The following XPR1 variants were observed in gnomAD, a reference collection of about 807,000 sequenced individuals.
The protein encoded by XPR1 is solute carrier family 53 member 1.
XPR1 carries 28 observed loss-of-function variants against 87.5 expected under a neutral mutation model. That is an observed-to-expected ratio of 0.32 (90% confidence interval 0.24 to 0.44). XPR1 has a LOEUF of 0.44. Ranked by LOEUF, XPR1 falls within the 20% of genes least tolerant of loss-of-function variation. XPR1 has a pLI of 1.00. For synonymous variants in XPR1, 300 were observed against 306.1 expected, an observed-to-expected ratio of 0.98 and a Z score of 0.21; for missense variants, 559 against 862.3, an observed-to-expected ratio of 0.65 and a Z score of 4.41.
At position 180,668,318 on chromosome 1, in the gene XPR1, G is replaced by A. The variant is rs533101157; in HGVS notation, c.70-14042G>A. 8.6e-5 allele frequency among the ~76,000 whole-genome samples: 13 copies of A among 151,640 alleles called. No homozygotes were observed. The East Asian group carries it at 1.9e-3, about 23-fold the overall frequency. On this transcript the variant is annotated intron_variant, in intron 1 of 14. Transcript: ENST00000367590. Reference sequence around the variant, plus strand: ...TAATTTGTGGGCTTTTAGTAGAGACGGGGTTTCACCATGTTGGCCAGGCTG... The same window carrying A: ...TAATTTGTGGGCTTTTAGTAGAGACAGGGTTTCACCATGTTGGCCAGGCTG...
At chr1:180,857,236 C>T (rs1049980738) in intron 11 of XPR1, among the ~76,000 whole-genome samples, 7 of 152,278 alleles carry the variant, frequency 4.6e-5, no homozygotes, top group Non-Finnish European at 5.9e-5. Flanking sequence ...TCTGCCTGAA[C>T]GCTGTTTCTG....
At chr1:180,641,286 C>A (rs1467897168) in intron 1 of XPR1, among the ~76,000 whole-genome samples, 1 of 152,084 alleles carries the variant, frequency 6.6e-6, no homozygotes, top group Non-Finnish European at 1.5e-5. Flanking sequence ...CAATAAATTT[C>A]CTATTAAAAT....
Position 180,803,368 on chromosome 1 carries a change from T to C in XPR1, c.224-20T>C, listed in dbSNP as rs1405477500. ...CTTTTTTATCTTACTGATTTGACAG[T>C]TCCGTTCTATTTCTTATAGAGAAGC... On this transcript the variant is annotated intron_variant, in intron 3 of 14. Transcript: ENST00000367590. 8.1e-6 allele frequency: 13 copies of C among 1,607,114 alleles called. No homozygotes were observed. Among genetic ancestry groups the C allele is most frequent in the African/African-American group, 1.3e-5 (1 of 74,714 alleles).
At chr1:180,795,798 C>G (rs1002726484) in intron 3 of XPR1, among the ~76,000 whole-genome samples, 5 of 152,044 alleles carry the variant, frequency 3.3e-5, no homozygotes, top group Non-Finnish European at 5.9e-5. Context: ...CATTCATTCA[C>G]TCATTCACTT....
intron 1 of XPR1, among the ~76,000 whole-genome samples, chr1:180,634,671 G>C (rs190272944): frequency 2.2e-4 from 33 of 152,160 alleles, no homozygotes; most frequent in African/African-American, 7.0e-4. Context: ...TGAAATTTTT[G>C]TATTTTACCC....
rs140011048 is a variant in XPR1, at chr1:180,716,934, C to T, written c.121+34523C>T. ...ATTTTTCAATATTCAGTAATCTGCTCGTCTTCTAGAAGCTCATATTGATTC... is the reference window on the plus strand; with the variant it reads ...ATTTTTCAATATTCAGTAATCTGCTTGTCTTCTAGAAGCTCATATTGATTC... On this transcript the variant is annotated intron_variant, in intron 2 of 14. Transcript: ENST00000367590. 3.0e-4 allele frequency among the ~76,000 whole-genome samples: 46 copies of T among 152,332 alleles called. No homozygotes were observed. The East Asian group carries it at 5.0e-3, about 17-fold the overall frequency.
At chr1:180,684,227 C>A (rs1656684211) in intron 2 of XPR1, among the ~76,000 whole-genome samples, 1 of 152,192 alleles carries the variant, frequency 6.6e-6, no homozygotes, top group Non-Finnish European at 1.5e-5. Flanking sequence ...ATAGAGAATC[C>A]TTTCCCCATT....
Position 180,806,090 on chromosome 1 carries a change from TC to T in XPR1, c.478del (p.Leu160Ter). 6.2e-7 allele frequency: 1 copy of T among 1,613,488 alleles called. No individual in the cohort carries two copies. The highest frequency in any genetic ancestry group is 8.5e-7 in the Non-Finnish European group (1 of 1,179,650). On this transcript the variant is annotated frameshift_variant, in exon 5 of 15. Transcript: ENST00000367590. LOFTEE classifies it high-confidence loss of function. Reference protein sequence around the residue: ...QNLNFTGFRKILKKHDKILET... With the variant: ...QNLNFTGFRKXLKKHDKILET... ...CTGAATTTTACAGGGTTTCGAAAAA[TC>T]CTGAAAAAGCATGACAAGATCCTGG...
intron 2 of XPR1, among the ~76,000 whole-genome samples, chr1:180,739,730 T>C (rs185412758): frequency 6.6e-6 from 1 of 152,286 alleles, no homozygotes; most frequent in Admixed American, 6.5e-5. Context: ...TCATTGCCAG[T>C]GTATAAAATT....
chr1:180,853,022 T>C (rs937281580), intron 11 of XPR1, among the ~76,000 whole-genome samples: 1 of 152,050 alleles, frequency 6.6e-6, no homozygotes, highest in African/African-American at 2.4e-5. Flanking sequence ...CCTCCACCCG[T>C]TGGGTTCAAG....
intron 2 of XPR1, among the ~76,000 whole-genome samples, chr1:180,739,312 T>C (rs1375795829): frequency 6.6e-6 from 1 of 152,256 alleles, no homozygotes; most frequent in East Asian, 1.9e-4. Flanking sequence ...GGGTGATTTC[T>C]CTGACTTTAT....
chr1:180,749,639 T>TCACACACACACACACACACACA lies in XPR1; in HGVS notation c.122-38096_122-38075dup, dbSNP rs139363505. Among the ~76,000 whole-genome samples, 376 of 142,426 alleles carry TCACACACACACACACACACACA rather than the reference T, an allele frequency of 2.6e-3. 3 individuals carry two copies. The highest frequency in any genetic ancestry group is 8.3e-3 in the African/African-American group (319 of 38,252). The allele number at this position is 142,426 out of a possible 152,430, so 93.4% of individuals were successfully genotyped here. A position where few individuals can be genotyped will look rare whatever the true frequency, so the allele number is the denominator to read the frequency against. On this transcript the variant is annotated intron_variant, in intron 2 of 14. Coordinates refer to ENST00000367590, the MANE Select transcript of XPR1 (RefSeq NM_004736.4). Reference sequence around the variant, plus strand: ...AAAATTTATAATAAACACATATACATCACACACACACACACACACACACAC... The same window carrying TCACACACACACACACACACACA: ...AAAATTTATAATAAACACATATACATCACACACACACACACACACACACACACACACACACACACACACACAC...
intron 2 of XPR1, among the ~76,000 whole-genome samples, chr1:180,779,396 T>A (rs1648851386): frequency 6.6e-6 from 1 of 152,208 alleles, no homozygotes; most frequent in Non-Finnish European, 1.5e-5. Flanking sequence ...ATAGGTACAA[T>A]TATTATTTGT....
intron 2 of XPR1, among the ~76,000 whole-genome samples, chr1:180,785,024 T>TGTGTGTGTGTGTGTGTGC (rs1649086664): frequency 6.6e-6 from 1 of 150,626 alleles, no homozygotes; most frequent in Non-Finnish European, 1.5e-5. Flanking sequence ...TGTGTGTGTG[T>TGTGTGTGTGTGTGTGTGC]GTGTGTGTGT....
chr1:180,836,770 T>TATTTCTTACTCA (rs1246176661), intron 11 of XPR1, 54 bp downstream of exon 11: 23 of 1,580,464 alleles, frequency 1.5e-5, no homozygotes, highest in Non-Finnish European at 2.0e-5. Flanking sequence ...TTTTACTACC[T>TATTTCTTACTCA]GACTCTATTT....
At chr1:180,685,908 A>G (rs1445851568) in intron 2 of XPR1, among the ~76,000 whole-genome samples, 3 of 152,012 alleles carry the variant, frequency 2.0e-5, no homozygotes, top group African/African-American at 2.4e-5. Flanking sequence ...CTAGTGGTCT[A>G]TCAATTTTGT....
intron 1 of XPR1, among the ~76,000 whole-genome samples, chr1:180,657,553 T>C (rs948806776): frequency 1.3e-5 from 2 of 152,212 alleles, no homozygotes; most frequent in Admixed American, 1.3e-4. Context: ...GATTGTCCTT[T>C]CTCCAATGTA....
intron 12 of XPR1, among the ~76,000 whole-genome samples, chr1:180,866,793 GTTTA>G (rs1451480148): frequency 5.8e-5 from 8 of 137,298 alleles, no homozygotes; most frequent in Non-Finnish European, 1.1e-4. Flanking sequence ...ACACATATTA[GTTTA>G]TTTTTTTTTT....
rs926219828 is a variant in XPR1 at position 180,888,098 on chromosome 1, C to T, written c.*4032C>T. The T allele has an allele frequency of 6.6e-6, 1 of 152,172 alleles. No individual in the cohort carries two copies. The highest frequency in any genetic ancestry group is 1.5e-5 in the Non-Finnish European group (1 of 68,038). 9.4% of individuals were successfully genotyped at this position (152,172 alleles called of 1,614,324 possible). On this transcript the variant is annotated 3_prime_UTR_variant, in exon 15 of 15. Transcript: ENST00000367590. The stretch of plus-strand genomic sequence containing the variant: ...GCCTGATGACGCGAAGGTGATGCCT[C>T]CATCTGTCCGCTTAGTGGTTATTAA...
Sources: allele counts gnomAD v4.1 joint callset (sites outside exome capture counted in the v4.1 genomes callset), GRCh38; gene constraint gnomAD v4.1.1; transcripts MANE v1.5; gene names NCBI Gene and HGNC (gene_info 2026-07-23, HGNC 2026-07-21).